Variants in SRGAP1 observed in about 807,000 individuals in gnomAD.
The protein encoded by SRGAP1 is SLIT-ROBO Rho GTPase-activating protein 1.
SRGAP1 carries 43 observed loss-of-function variants against 121.9 expected under a neutral mutation model. That is an observed-to-expected ratio of 0.35 (90% confidence interval 0.28 to 0.46). The LOEUF (loss-of-function observed/expected upper bound fraction) is 0.46, where lower values mean the gene tolerates loss of function less well. SRGAP1 is among the 20% of genes least tolerant of loss of function. The pLI is 1.00. For missense variants in SRGAP1, 1,102 were observed against 1,350.9 expected, an observed-to-expected ratio of 0.82 and a Z score of 2.89; for synonymous variants, 447 against 485.4, an observed-to-expected ratio of 0.92 and a Z score of 1.04.
Position 63,931,286 on chromosome 12 carries a change from C to T in SRGAP1, c.68-52661C>T, listed in dbSNP as rs545429736. Among the ~76,000 whole-genome samples the T allele has an allele frequency of 7.4e-3, 1,127 of 152,260 alleles. 14 individuals carry two copies. The highest frequency in any genetic ancestry group is 0.025 in the African/African-American group (1,040 of 41,536). ...TCTTTCCCTGCTGTTCTTCTTTTCT[C>T]TGGGCCTAAGTTTCTATATCTCTAA... On this transcript the variant is annotated intron_variant, in intron 1 of 21. Coordinates refer to ENST00000355086, the MANE Select transcript of SRGAP1 (RefSeq NM_020762.4).
chr12:64,000,275 T>TG (rs1555163998), intron 3 of SRGAP1, among the ~76,000 whole-genome samples: 55 of 133,358 alleles, frequency 4.1e-4, no homozygotes, highest in African/African-American at 5.7e-4. Flanking sequence ...TGTGTGTGTG[T>TG]AAAAAAAAAA....
Position 64,147,359 on chromosome 12 carries a change from C to T in SRGAP1, c.*4687C>T. The T allele has an allele frequency of 1.3e-5, 2 of 153,238 alleles. 1 individual carries two copies. The highest frequency in any genetic ancestry group is 2.7e-5 in the Non-Finnish European group (2 of 73,566). 9.5% of individuals were successfully genotyped at this position (153,238 alleles called of 1,614,324 possible). A position where few individuals can be genotyped will look rare whatever the true frequency, so the allele number is the denominator to read the frequency against. ...TACCGTTGCCCCGCTCTGTGCCCCA[C>T]CCCCACCTCCTCCTCCCAATTCCTG... On this transcript the variant is annotated 3_prime_UTR_variant, in exon 22 of 22. Transcript: ENST00000355086.
At chr12:64,067,192 T>A (rs1244575934) in intron 8 of SRGAP1, among the ~76,000 whole-genome samples, 1 of 152,188 alleles carries the variant, frequency 6.6e-6, no homozygotes, top group Non-Finnish European at 1.5e-5. Context: ...GAGTTTGTGA[T>A]CCTTAATGTA....
intron 1 of SRGAP1, chr12:63,982,463 T>C (rs924211034): frequency 6.6e-6 from 1 of 152,188 alleles, no homozygotes; most frequent in African/African-American, 2.4e-5. Context: ...ATTTTTAAAT[T>C]AAGCACATTT....
intron 1 of SRGAP1, among the ~76,000 whole-genome samples, chr12:63,963,913 A>C (rs1431931276): frequency 6.6e-6 from 1 of 152,216 alleles, no homozygotes; most frequent in Non-Finnish European, 1.5e-5. Flanking sequence ...AAATACACAA[A>C]ATCATTTTTT....
chr12:64,016,600 A>G (rs1450248174), intron 3 of SRGAP1, among the ~76,000 whole-genome samples: 1 of 152,368 alleles, frequency 6.6e-6, no homozygotes, highest in South Asian at 2.1e-4. Context: ...TGGGAATCAC[A>G]CTGTAAAATG....
chr12:64,078,712 G>A (rs540393278), intron 8 of SRGAP1, among the ~76,000 whole-genome samples: 1 of 152,280 alleles, frequency 6.6e-6, no homozygotes, highest in East Asian at 1.9e-4. Flanking sequence ...AATATAAAGT[G>A]ATAACCTCCT....
At chr12:63,880,181 C>A (rs1035987901) in intron 1 of SRGAP1, among the ~76,000 whole-genome samples, 3 of 152,142 alleles carry the variant, frequency 2.0e-5, no homozygotes, top group Non-Finnish European at 4.4e-5. Flanking sequence ...CCTTCGCCTA[C>A]CGCCATGATT....
chr12:64,142,201 G>T, intron 21 of SRGAP1, 94 bp from the exon 22 acceptor site: 1 of 1,338,224 alleles, frequency 7.5e-7, no homozygotes, highest in Non-Finnish European at 1.0e-6. Context: ...ATACTCTGCT[G>T]GGCCGTTTAC....
At chr12:64,034,659 A>G (rs921186075) in intron 4 of SRGAP1, among the ~76,000 whole-genome samples, 22 of 152,148 alleles carry the variant, frequency 1.4e-4, no homozygotes, top group African/African-American at 5.1e-4. Flanking sequence ...GTGTTAACAC[A>G]TTTTATCCCC....
intron 15 of SRGAP1, 192 bp downstream of exon 15, chr12:64,097,567 G>C (rs1212442608): frequency 1.9e-6 from 1 of 523,688 alleles, no homozygotes; most frequent in Non-Finnish European, 3.1e-6. Flanking sequence ...CCTCGGCTGA[G>C]TGGGCTTTCC....
intron 8 of SRGAP1, among the ~76,000 whole-genome samples, chr12:64,074,475 A>G (rs1407481263): frequency 6.6e-6 from 1 of 152,208 alleles, no homozygotes; most frequent in African/African-American, 2.4e-5. Flanking sequence ...TCTAGATGCT[A>G]TGCACTCCTA....
chr12:64,071,828 T>C (rs910624793), intron 8 of SRGAP1, among the ~76,000 whole-genome samples: 1 of 151,904 alleles, frequency 6.6e-6, no homozygotes, highest in Non-Finnish European at 1.5e-5. Context: ...AAATTATTAG[T>C]GTGAATTCTT....
chr12:63,873,891 G>C (rs183277770), intron 1 of SRGAP1, among the ~76,000 whole-genome samples: 2 of 152,004 alleles, frequency 1.3e-5, no homozygotes, highest in East Asian at 4.0e-4. Flanking sequence ...AGCCAGGCAT[G>C]GTGGTGTGTG....
At chr12:64,116,125 T>C (rs2036517270) in intron 18 of SRGAP1, 2 of 446,154 alleles carry the variant, frequency 4.5e-6, no homozygotes, top group Non-Finnish European at 8.3e-6. Flanking sequence ...GGCGTGGTGA[T>C]GTGCACCTGT....
rs1046061334 is a variant in SRGAP1 at position 64,142,931 on chromosome 12, G to T, written c.*259G>T. On this transcript the variant is annotated 3_prime_UTR_variant, in exon 22 of 22. Transcript: ENST00000355086. The stretch of plus-strand genomic sequence containing the variant: ...TAGACTTACTTGAAAATCCAATGCT[G>T]CACCACTTGTAATGAAGGCAACACC... 2.0e-5 allele frequency: 9 copies of T among 460,126 alleles called. No individual in the cohort carries two copies. Among genetic ancestry groups the T allele is most frequent in the African/African-American group, 1.6e-4 (8 of 51,046 alleles). The allele number at this position is 460,126 out of a possible 1,614,324, so 28.5% of individuals were successfully genotyped here. A position where few individuals can be genotyped will look rare whatever the true frequency, so the allele number is the denominator to read the frequency against.
At chr12:64,020,640 C>G (rs545941918) in intron 4 of SRGAP1, among the ~76,000 whole-genome samples, 2 of 151,936 alleles carry the variant, frequency 1.3e-5, no homozygotes, top group African/African-American at 4.8e-5. Flanking sequence ...GTCAGGAGTT[C>G]GAGACCAGCC....
intron 1 of SRGAP1, among the ~76,000 whole-genome samples, chr12:63,900,217 T>C (rs1287414376): frequency 7.2e-6 from 1 of 138,300 alleles, no homozygotes; most frequent in East Asian, 2.0e-4. Context: ...TTTTTTTTTT[T>C]TTTTTTGAGG....
chr12:63,848,793 T>A (rs937313725), intron 1 of SRGAP1, among the ~76,000 whole-genome samples: 6 of 152,228 alleles, frequency 3.9e-5, no homozygotes, highest in Non-Finnish European at 8.8e-5. Context: ...ATTTTCAAGC[T>A]TTTAAAGTTT....
Sources: allele counts gnomAD v4.1 joint callset (sites outside exome capture counted in the v4.1 genomes callset), GRCh38; gene constraint gnomAD v4.1.1; transcripts MANE v1.5; gene names NCBI Gene and HGNC (gene_info 2026-07-23, HGNC 2026-07-21).